TMTC4: variants seen among roughly 807,000 people sequenced by gnomAD.
TMTC4 encodes the protein transmembrane O-mannosyltransferase targeting cadherins 4.
In TMTC4, 65 loss-of-function variants were observed where a neutral mutation model predicts 86.0. The observed-to-expected ratio is 0.76, with a 90% confidence interval of 0.62 to 0.93. TMTC4 has a LOEUF of 0.93. TMTC4 is among the 40% of genes least tolerant of loss of function. The pLI, the probability that TMTC4 is intolerant of heterozygous loss-of-function variation, is 0.00. For missense variants in TMTC4, 866 were observed against 948.1 expected, an observed-to-expected ratio of 0.91 and a Z score of 1.14; for synonymous variants, 379 against 382.5, an observed-to-expected ratio of 0.99 and a Z score of 0.11.
intron 15 of TMTC4, chr13:100,614,990 A>G: frequency 1.0e-6 from 1 of 972,218 alleles, no homozygotes; most frequent in East Asian, 1.1e-4. Context: ...TAAAAACAGG[A>G]GCATATCAGA....
chr13:100,658,119 T>C (rs1480501047), intron 5 of TMTC4, among the ~76,000 whole-genome samples: 1 of 152,036 alleles, frequency 6.6e-6, no homozygotes, highest in Non-Finnish European at 1.5e-5. Context: ...CAATGAGCGC[T>C]CTGGAATACT....
chr13:100,616,145 A>AC (rs1049773155), intron 15 of TMTC4, among the ~76,000 whole-genome samples: 49 of 151,826 alleles, frequency 3.2e-4, no homozygotes, highest in South Asian at 8.3e-4. Flanking sequence ...GCGGATGGGC[A>AC]CCTAGGTTGA....
intron 3 of TMTC4, chr13:100,666,090 C>A (rs1209160482): frequency 4.4e-6 from 2 of 456,120 alleles, no homozygotes; most frequent in Admixed American, 4.7e-5. Context: ...TTAAGTGGAG[C>A]CTCCACAGCA....
chr13:100,634,988 T>C (rs2138865991), intron 11 of TMTC4, 36 bp downstream of exon 11: 1 of 1,609,768 alleles, frequency 6.2e-7, no homozygotes. Context: ...CATCCGGTCA[T>C]TCTGTTCATC....
At position 100,636,194 on chromosome 13, in the gene TMTC4, TA is replaced by T. The variant is rs199749872; in HGVS notation, c.1202+337del. On this transcript the variant is annotated intron_variant, in intron 10 of 18. Transcript: ENST00000342624. ...GGTGTTTTGAGGAAGAATTGTGCAA[TA>T]ATGGGCACAACACACATCAATTACA... Among the ~76,000 whole-genome samples, 872 of 152,290 alleles carry T rather than the reference TA, an allele frequency of 5.7e-3. 5 individuals carry two copies. The highest frequency in any genetic ancestry group is 0.018 in the South Asian group (89 of 4,826).
rs574696515 is a variant in TMTC4, at chr13:100,634,204, C to T, written c.1506+601G>A. 3.3e-5 allele frequency among the ~76,000 whole-genome samples: 5 copies of T among 151,400 alleles called. No homozygotes were observed. In the South Asian group the frequency reaches 1.0e-3, roughly 32 times the overall value. ...TCATATATATGCAATATGCGGTTTG[C>T]TGACTGAAACACTGTTACATGGCAC... On this transcript the variant is annotated intron_variant, in intron 12 of 18. Transcript: ENST00000342624.
intron 5 of TMTC4, among the ~76,000 whole-genome samples, chr13:100,662,730 T>G (rs1885929340): frequency 6.6e-6 from 1 of 152,186 alleles, no homozygotes; most frequent in African/African-American, 2.4e-5. Context: ...CATGGTGCTC[T>G]GCATTTTTTT....
chr13:100,636,648 G>A lies in TMTC4; in HGVS notation c.1086C>T (p.Cys362=). 6.2e-7 allele frequency: 1 copy of A among 1,614,218 alleles called. No individual in the cohort carries two copies. The highest frequency in any genetic ancestry group is 8.5e-7 in the Non-Finnish European group (1 of 1,180,042). ...CGCTGATGGACTTAATGAGGGGGAT[G>A]CAGCCCATTGACCAATCAAAACACA... ...WWLCFDWSMG[C]IPLIKSISDW... The change falls in exon 10 of 19, where the codon TGC becomes TGT. Residue 362 remains cysteine, a synonymous_variant. Coordinates refer to ENST00000342624, the MANE Select transcript of TMTC4 (RefSeq NM_032813.5).
chr13:100,669,702 C>G (rs1283202), intron 2 of TMTC4, among the ~76,000 whole-genome samples: 92,035 of 151,878 alleles, frequency 0.61, 28,680 homozygotes, highest in East Asian at 0.97. Context: ...GCCCAGTGGT[C>G]AGCGGTGCCT....
At chr13:100,633,862 C>T (rs984590328) in intron 12 of TMTC4, among the ~76,000 whole-genome samples, 30 of 152,124 alleles carry the variant, frequency 2.0e-4, no homozygotes, top group Non-Finnish European at 3.7e-4. Flanking sequence ...AAATATTGGT[C>T]GGGTGCAGTG....
At chr13:100,639,636 T>A (rs186427589) in intron 7 of TMTC4, among the ~76,000 whole-genome samples, 230 of 152,314 alleles carry the variant, frequency 1.5e-3, no homozygotes, top group Admixed American at 3.7e-3. Flanking sequence ...TCTCTCCTGC[T>A]CCTGAAAAAC....
intron 15 of TMTC4, chr13:100,623,956 T>G (rs1184899725): frequency 2.9e-5 from 13 of 449,970 alleles, no homozygotes; most frequent in Admixed American, 2.8e-4. Flanking sequence ...GGTAGTACAT[T>G]GTATGGGTCC....
chr13:100,634,694 G>T, intron 12 of TMTC4, 111 bp downstream of exon 12: 2 of 1,276,372 alleles, frequency 1.6e-6, no homozygotes, highest in Non-Finnish European at 2.1e-6. Context: ...CCAAGTATTC[G>T]GTCATGGTCT....
intron 16 of TMTC4, 57 bp from the exon 17 acceptor site, chr13:100,612,567 C>G: frequency 7.7e-7 from 1 of 1,294,002 alleles, no homozygotes; most frequent in Non-Finnish European, 1.1e-6. Context: ...CGCATTTTAG[C>G]TTCTCTCTAT....
At chr13:100,646,801 G>C (rs1034300164) in intron 6 of TMTC4, among the ~76,000 whole-genome samples, 1 of 152,060 alleles carries the variant, frequency 6.6e-6, no homozygotes, top group Non-Finnish European at 1.5e-5. Flanking sequence ...TCACAATAAG[G>C]AGCCACAACA....
At chr13:100,627,164 G>A (rs1251366984) in intron 12 of TMTC4, among the ~76,000 whole-genome samples, 1 of 152,226 alleles carries the variant, frequency 6.6e-6, no homozygotes, top group African/African-American at 2.4e-5. Context: ...GTCTGAGCAA[G>A]GGCCTCGGTG....
intron 17 of TMTC4, among the ~76,000 whole-genome samples, chr13:100,609,312 G>A (rs1035589938): frequency 6.6e-6 from 1 of 152,014 alleles, no homozygotes; most frequent in African/African-American, 2.4e-5. Flanking sequence ...ATGATGCGTT[G>A]TTTCTCCTTT....
chr13:100,634,886 T>A lies in TMTC4; in HGVS notation c.1425A>T (p.Arg475Ser), dbSNP rs1006531543. The change falls in exon 12 of 19, where the codon AGA becomes AGT. Residue 475 changes from arginine to serine, a missense_variant. Coordinates refer to ENST00000342624, the MANE Select transcript of TMTC4 (RefSeq NM_032813.5). Reference protein sequence around the residue: ...VLGILFINTLRCVLRSGEWRS... With the variant: ...VLGILFINTLSCVLRSGEWRS... ...GCCACTCGCCGCTGCGCAGCACACA[T>A]CTCAGCGTGTTGATGAATAAGATTC... 6.2e-7 allele frequency: 1 copy of A among 1,614,152 alleles called. No homozygotes were observed. Among genetic ancestry groups the A allele is most frequent in the Non-Finnish European group, 8.5e-7 (1 of 1,180,018 alleles).
At chr13:100,665,303 A>C (rs1220877334) in intron 3 of TMTC4, among the ~76,000 whole-genome samples, 1 of 152,240 alleles carries the variant, frequency 6.6e-6, no homozygotes, top group Non-Finnish European at 1.5e-5. Context: ...TCTTTAGAGC[A>C]TAATTAAACA....
Sources: allele counts gnomAD v4.1 joint callset (sites outside exome capture counted in the v4.1 genomes callset), GRCh38; gene constraint gnomAD v4.1.1; transcripts MANE v1.5; gene names NCBI Gene and HGNC (gene_info 2026-07-23, HGNC 2026-07-21).